ADCY3: variants seen among roughly 807,000 people sequenced by gnomAD.
The protein encoded by ADCY3 is adenylate cyclase 3.
In ADCY3, 70 loss-of-function variants were observed where a neutral mutation model predicts 119.4. The observed-to-expected ratio is 0.59, with a 90% CI of 0.48 to 0.72. The LOEUF (loss-of-function observed/expected upper bound fraction) is 0.72. Ranked by LOEUF, ADCY3 falls within the 30% of genes least tolerant of loss-of-function variation. The pLI, the probability that ADCY3 is intolerant of heterozygous loss-of-function variation, is 0.00. For missense variants in ADCY3, 1,238 were observed against 1,541.6 expected (o/e 0.80, Z 3.30); for synonymous variants, 672 against 621.4 (o/e 1.08, Z -1.21).
chr2:24,870,776 C>T (rs1208731265), intron 3 of ADCY3, among the ~76,000 whole-genome samples: 3 of 152,158 alleles, frequency 2.0e-5, no homozygotes, highest in Admixed American at 1.3e-4. Flanking sequence ...CTCATGGCCC[C>T]GTGCACTCGG....
At chr2:24,891,989 G>A (rs1677713805) in intron 2 of ADCY3, among the ~76,000 whole-genome samples, 2 of 152,132 alleles carry the variant, frequency 1.3e-5, no homozygotes, top group Admixed American at 6.5e-5. Context: ...CACGAATAAG[G>A]GGGAACTACT....
At chr2:24,911,645 A>C (rs1368193577) in intron 2 of ADCY3, among the ~76,000 whole-genome samples, 11,316 of 74,690 alleles carry the variant, frequency 0.15, 1,132 homozygotes, top group African/African-American at 0.4. Context: ...CTCAAAAAAA[A>C]AAAAAAAAAA....
chr2:24,860,285 G>A (rs1223032282), intron 3 of ADCY3, among the ~76,000 whole-genome samples: 1 of 152,164 alleles, frequency 6.6e-6, no homozygotes, highest in Non-Finnish European at 1.5e-5. Context: ...GGTCACATGG[G>A]AATAAAGACA....
chr2:24,880,760 A>T (rs1246943799), intron 2 of ADCY3, among the ~76,000 whole-genome samples: 1 of 152,128 alleles, frequency 6.6e-6, no homozygotes, highest in Non-Finnish European at 1.5e-5. Context: ...TCACGCCTGT[A>T]ATCTCAGCAC....
intron 3 of ADCY3, among the ~76,000 whole-genome samples, chr2:24,865,009 A>C (rs1674108110): frequency 1.3e-5 from 2 of 152,360 alleles, no homozygotes; most frequent in South Asian, 2.1e-4. Flanking sequence ...AAGGATATTT[A>C]TTACAGCAAT....
chr2:24,882,114 G>A lies in ADCY3; in HGVS notation c.676-9395C>T, dbSNP rs529327523. Among the ~76,000 whole-genome samples, 12 of 152,320 alleles carry A rather than the reference G, an allele frequency of 7.9e-5. No homozygotes were observed. The South Asian group carries it at 2.5e-3, about 32-fold the overall frequency. On this transcript the variant is annotated intron_variant, in intron 2 of 21. Coordinates refer to ENST00000679454, the MANE Select transcript of ADCY3 (RefSeq NM_004036.5). ...TAGATTTATTTTTATGTCAATTGTA[G>A]AGTTTGTGGGCTAAGAGGAGAATGC...
rs1045255627 is a variant in ADCY3 at position 24,839,028 on chromosome 2, T to C, written c.1356-406A>G. 14 of 550,770 alleles carry C rather than the reference T, an allele frequency of 2.5e-5. No homozygotes were observed. The South Asian group carries it at 2.6e-4, about 10-fold the overall frequency. 34.1% of individuals were successfully genotyped at this position (550,770 alleles called of 1,614,324 possible). On this transcript the variant is annotated intron_variant, in intron 7 of 21. Coordinates refer to ENST00000679454, the MANE Select transcript of ADCY3 (RefSeq NM_004036.5). ...CTTGATCTTGGCTCAGTGCAACCTCTGCCTCCCGGGTTCAAGCAATTCTCC... is the reference window on the plus strand; with the variant it reads ...CTTGATCTTGGCTCAGTGCAACCTCCGCCTCCCGGGTTCAAGCAATTCTCC...
At position 24,841,361 on chromosome 2, in the gene ADCY3, A is replaced by G; in HGVS notation, c.1094T>C (p.Ile365Thr). The G allele has an allele frequency of 6.2e-7, 1 of 1,608,638 alleles. No homozygotes were observed. The highest frequency in any genetic ancestry group is 8.5e-7 in the Non-Finnish European group (1 of 1,177,870). The change falls in exon 6 of 22, where the codon ATC (isoleucine) becomes ACC (threonine). Residue 365 changes from isoleucine to threonine, a missense_variant. Ile to Thr is a moderately conservative substitution (Grantham distance 89). Around this residue, in one of 7 missense-constraint regions of ADCY3, gnomAD observed 283 missense variants for 437.2 expected, o/e 0.65. Coordinates refer to ENST00000679454, the MANE Select transcript of ADCY3 (RefSeq NM_004036.5). The surrounding 1 kb of genome is among the most constrained non-coding windows in gnomAD (Gnocchi z 5.8). ...AAKYHQLRIK[I>T]LGDCYYCICG... ...GATGCAGTAGTAGCAGTCGCCCAGG[A>G]TCTTAATCCGCAGCTGGTGGTATTT...
intron 3 of ADCY3, among the ~76,000 whole-genome samples, chr2:24,847,296 T>C (rs779798304): frequency 1.1e-4 from 16 of 152,194 alleles, no homozygotes; most frequent in Non-Finnish European, 1.8e-4. Context: ...CCTCCCACCA[T>C]GATTCCGAGG....
chr2:24,847,307 C>A (rs1243802273), intron 3 of ADCY3, among the ~76,000 whole-genome samples: 4 of 152,174 alleles, frequency 2.6e-5, no homozygotes, highest in Non-Finnish European at 5.9e-5. Context: ...GATTCCGAGG[C>A]CTCCCCAGCC....
chr2:24,875,827 G>C (rs1287424053), intron 2 of ADCY3, among the ~76,000 whole-genome samples: 1 of 152,228 alleles, frequency 6.6e-6, no homozygotes, highest in African/African-American at 2.4e-5. Context: ...AAGGAATTGA[G>C]ATTAAATTAA....
chr2:24,916,244 G>A (rs189932577), intron 2 of ADCY3, among the ~76,000 whole-genome samples: 26 of 152,360 alleles, frequency 1.7e-4, no homozygotes, highest in Admixed American at 1.6e-3. Flanking sequence ...GTAGCCACGT[G>A]GTGGGGCACC....
At chr2:24,895,425 C>G (rs1046422276) in intron 2 of ADCY3, among the ~76,000 whole-genome samples, 3 of 152,100 alleles carry the variant, frequency 2.0e-5, no homozygotes, top group Non-Finnish European at 2.9e-5. Flanking sequence ...TGTTTGTATT[C>G]TGTTGAGCTT....
chr2:24,884,414 C>T (rs1184443096), intron 2 of ADCY3, among the ~76,000 whole-genome samples: 3 of 151,840 alleles, frequency 2.0e-5, no homozygotes, highest in African/African-American at 7.3e-5. Flanking sequence ...AGGCCATCTT[C>T]CTATGCCTAT....
In ADCY3 at chr2:24,834,615, T is replaced by C; in HGVS notation, c.1837A>G (p.Met613Val). 2.5e-6 allele frequency: 4 copies of C among 1,614,070 alleles called. No homozygotes were observed. Among genetic ancestry groups the C allele is most frequent in the Non-Finnish European group, 3.4e-6 (4 of 1,180,012 alleles). ...TCCATCTCGGGGTCCATGAACCGCA[T>C]GGACAAGAGGAAGGTGTTTCTCTTC... ...VKKRNTFLLSMRFMDPEMETR... is the reference protein window; with the variant it reads ...VKKRNTFLLSVRFMDPEMETR... The change falls in exon 11 of 22, where the codon ATG (methionine) becomes GTG (valine). Residue 613 changes from methionine (M) to valine (V), a missense_variant. By Grantham distance (21) the Met-to-Val change is conservative (BLOSUM62 1). Transcript: ENST00000679454. The surrounding 1 kb of genome is among the most constrained non-coding windows in gnomAD (Gnocchi z 4.2).
chr2:24,823,883 G>A (rs1353683479), intron 17 of ADCY3, among the ~76,000 whole-genome samples: 1 of 151,932 alleles, frequency 6.6e-6, no homozygotes, highest in Non-Finnish European at 1.5e-5. Context: ...AGTAGAGACA[G>A]GGTTTCACTA....
intron 3 of ADCY3, among the ~76,000 whole-genome samples, chr2:24,860,971 G>C (rs900198163): frequency 1.3e-5 from 2 of 152,204 alleles, no homozygotes; most frequent in Non-Finnish European, 2.9e-5. Flanking sequence ...AAGATAAATA[G>C]CCGAGCATGG....
chr2:24,906,174 G>A (rs1344558478), intron 2 of ADCY3, among the ~76,000 whole-genome samples: 1 of 152,054 alleles, frequency 6.6e-6, no homozygotes, highest in Non-Finnish European at 1.5e-5. Flanking sequence ...AGTCGTGGTG[G>A]TGCACGCCTG....
At chr2:24,875,744 G>C (rs558211716) in intron 2 of ADCY3, among the ~76,000 whole-genome samples, 2 of 152,178 alleles carry the variant, frequency 1.3e-5, no homozygotes, top group Non-Finnish European at 2.9e-5. Flanking sequence ...ACACAAGCAC[G>C]CACTTTATCA....
Sources: gnomAD v4.1 joint callset for allele counts (sites outside exome capture counted in the v4.1 genomes callset) on GRCh38, gnomAD v4.1.1 for gene constraint, gnomAD v4.1.1 regional missense constraint, Gnocchi (gnomAD v3.1) non-coding constraint, MANE v1.5 for transcripts, NCBI Gene and HGNC (gene_info 2026-07-23, HGNC 2026-07-21) for gene names.